The following PTPRD variants were observed in gnomAD, a reference collection of about 807,000 sequenced individuals.
PTPRD encodes the protein protein tyrosine phosphatase receptor type D, also known as receptor-type tyrosine-protein phosphatase delta.
A neutral mutation model predicts 214.5 loss-of-function variants in PTPRD; 34 were observed. That is an observed-to-expected ratio of 0.16 (90% CI 0.12 to 0.21). The LOEUF (loss-of-function observed/expected upper bound fraction) is 0.21. Among genes scored for constraint, PTPRD ranks in the 10% least tolerant of loss-of-function variants. PTPRD has a pLI of 1.00. For missense variants in PTPRD, 2,545 were observed against 2,398.7 expected (o/e 1.06, Z -1.27); for synonymous variants, 1,128 against 845.7 (o/e 1.33, Z -5.79).
At chr9:8,845,562 C>T (rs1276117012) in intron 11 of PTPRD, among the ~76,000 whole-genome samples, 2 of 152,224 alleles carry the variant, frequency 1.3e-5, no homozygotes, top group Admixed American at 1.3e-4. Flanking sequence ...ATGGCACAGC[C>T]ATTCACTGAT....
intron 2 of PTPRD, among the ~76,000 whole-genome samples, chr9:10,528,211 G>A (rs987068921): frequency 4.6e-5 from 7 of 152,106 alleles, no homozygotes; most frequent in Admixed American, 2.6e-4. Flanking sequence ...ACAGAAAGAA[G>A]GAGTTAAAAA....
chr9:8,665,621 C>A (rs1367241869), intron 12 of PTPRD, among the ~76,000 whole-genome samples: 1 of 152,126 alleles, frequency 6.6e-6, no homozygotes, highest in Admixed American at 6.6e-5. Flanking sequence ...TTTCATAATA[C>A]CTGTATACAC....
intron 9 of PTPRD, among the ~76,000 whole-genome samples, chr9:9,334,313 A>G (rs1052949965): frequency 1.3e-5 from 2 of 152,004 alleles, no homozygotes; most frequent in Admixed American, 6.6e-5. Flanking sequence ...GGAACTGAGA[A>G]GTATTTATGT....
At chr9:8,605,699 G>C (rs1233212446) in intron 14 of PTPRD, among the ~76,000 whole-genome samples, 2 of 152,212 alleles carry the variant, frequency 1.3e-5, no homozygotes, top group Non-Finnish European at 2.9e-5. Context: ...TTTTGCACAT[G>C]ATGTGACATC....
At chr9:9,609,846 G>C (rs991172415) in intron 7 of PTPRD, among the ~76,000 whole-genome samples, 2 of 152,138 alleles carry the variant, frequency 1.3e-5, no homozygotes, top group African/African-American at 4.8e-5. Flanking sequence ...TGTCAATTCA[G>C]CGTGTAAAAA....
chr9:8,492,140 T>C (rs917761161), intron 27 of PTPRD, among the ~76,000 whole-genome samples: 1 of 152,230 alleles, frequency 6.6e-6, no homozygotes, highest in Non-Finnish European at 1.5e-5. Context: ...TTTTCTTTTT[T>C]GTTTTCTATC....
chr9:10,193,152 T>A (rs1056993318), intron 3 of PTPRD, among the ~76,000 whole-genome samples: 1 of 152,160 alleles, frequency 6.6e-6, no homozygotes, highest in Non-Finnish European at 1.5e-5. Flanking sequence ...CGTTAAATGA[T>A]CTCTGGTCTT....
intron 7 of PTPRD, among the ~76,000 whole-genome samples, chr9:9,703,207 T>G (rs1416286919): frequency 1.3e-5 from 2 of 152,148 alleles, no homozygotes; most frequent in East Asian, 3.9e-4. Flanking sequence ...TGCCGTCTTG[T>G]GCCTGCTTCC....
chr9:9,676,290 C>A (rs2096928411), intron 7 of PTPRD, among the ~76,000 whole-genome samples: 1 of 131,292 alleles, frequency 7.6e-6, no homozygotes. Context: ...CCCCACCCCA[C>A]AACAGGCCCC....
chr9:9,560,016 C>T (rs1024086016), intron 8 of PTPRD, among the ~76,000 whole-genome samples: 3 of 152,160 alleles, frequency 2.0e-5, no homozygotes, highest in African/African-American at 7.2e-5. Context: ...TGTCCGGTGC[C>T]CCCTCAAGTC....
chr9:10,113,844 A>G (rs2098710215), intron 3 of PTPRD, among the ~76,000 whole-genome samples: 1 of 152,206 alleles, frequency 6.6e-6, no homozygotes, highest in East Asian at 1.9e-4. Flanking sequence ...CTGCTGATAC[A>G]TGGGCCACAT....
rs889448709 is a variant in PTPRD at position 9,637,032 on chromosome 9, G to A, written c.-286-62251C>T. Among the ~76,000 whole-genome samples the A allele has an allele frequency of 5.3e-5, 8 of 152,004 alleles. No individual in the cohort carries two copies. The South Asian group carries it at 1.2e-3, about 24-fold the overall frequency. On this transcript the variant is annotated intron_variant, in intron 7 of 45. Transcript: ENST00000381196. ...CTCCCTACATTAAACCCTTTTTAAT[G>A]GAATTCATTCATTCACAAAGATAAC...
intron 5 of PTPRD, among the ~76,000 whole-genome samples, chr9:9,837,558 T>C (rs1367854611): frequency 6.6e-6 from 1 of 152,106 alleles, no homozygotes; most frequent in Non-Finnish European, 1.5e-5. Flanking sequence ...AAGCAACCAG[T>C]CTTTGATTTG....
intron 4 of PTPRD, among the ~76,000 whole-genome samples, chr9:10,014,177 T>C (rs2096654879): frequency 1.3e-5 from 2 of 151,956 alleles, no homozygotes; most frequent in South Asian, 2.1e-4. Context: ...ACCAATTTAC[T>C]GACATCAATC....
At chr9:8,932,269 C>T (rs986555230) in intron 11 of PTPRD, among the ~76,000 whole-genome samples, 1 of 152,134 alleles carries the variant, frequency 6.6e-6, no homozygotes, top group South Asian at 2.1e-4. Context: ...GACTTTAGAT[C>T]TTTCCCATTT....
chr9:8,800,329 G>A (rs559941855), intron 11 of PTPRD, among the ~76,000 whole-genome samples: 76 of 152,182 alleles, frequency 5.0e-4, no homozygotes, highest in South Asian at 1.5e-3. Context: ...TCTTGAATAG[G>A]GGCTGGGTAA....
In PTPRD at chr9:9,677,048, T is replaced by A. The variant is rs540065163; in HGVS notation, c.-287+57485A>T. Among the ~76,000 whole-genome samples the A allele has an allele frequency of 3.3e-5, 5 of 152,256 alleles. 1 individual carries two copies. The East Asian group carries it at 9.7e-4, about 29-fold the overall frequency. ...ATTAGCCCTTTGTCAGAAGAGTAGG[T>A]TGCAAAAATTTTCTCCCATTTTGTA... On this transcript the variant is annotated intron_variant, in intron 7 of 45. Transcript: ENST00000381196.
intron 44 of PTPRD, among the ~76,000 whole-genome samples, chr9:8,329,108 C>A (rs1044331043): frequency 6.6e-6 from 1 of 152,046 alleles, no homozygotes; most frequent in Admixed American, 6.6e-5. Flanking sequence ...GGAGAAGAGG[C>A]GTGCTGGTTT....
At chr9:9,443,602 T>C (rs2089183278) in intron 8 of PTPRD, among the ~76,000 whole-genome samples, 1 of 152,086 alleles carries the variant, frequency 6.6e-6, no homozygotes, top group Admixed American at 6.5e-5. Context: ...TGACTACTTG[T>C]CAGAAAGATC....
Sources: gnomAD v4.1 joint callset for allele counts (sites outside exome capture counted in the v4.1 genomes callset) on GRCh38, gnomAD v4.1.1 for gene constraint, MANE v1.5 for transcripts, NCBI Gene and HGNC (gene_info 2026-07-23, HGNC 2026-07-21) for gene names.